ADAM28: variants seen among roughly 807,000 people sequenced by gnomAD.
The protein encoded by ADAM28 is disintegrin and metalloproteinase domain-containing protein 28.
ADAM28 carries 105 observed loss-of-function variants against 101.2 expected under a neutral mutation model. That is an observed-to-expected ratio of 1.04 (90% confidence interval 0.89 to 1.22). The LOEUF is 1.22. ADAM28 is among the 50% of genes most tolerant of loss of function. The pLI, the probability that ADAM28 is intolerant of heterozygous loss-of-function variation, is 0.00. For synonymous variants in ADAM28, 322 were observed against 310.6 expected (o/e 1.04, Z -0.39); for missense variants, 1,028 against 945.4 (o/e 1.09, Z -1.15).
In ADAM28 at chr8:24,311,288, A is replaced by T. The variant is rs1810420113; in HGVS notation, c.307-73A>T. On this transcript the variant is annotated intron_variant, in intron 4 of 22. Transcript: ENST00000265769. ...AAAGCATTTAAAATCCTGTTTCAAG[A>T]TTTCAGATGCGGCTTTAGCAGCGGT... 2.6e-6 allele frequency: 3 copies of T among 1,173,442 alleles called. No homozygotes were observed. The Admixed American group carries it at 6.2e-5, about 24-fold the overall frequency. The allele number at this position is 1,173,442 out of a possible 1,614,324, so 72.7% of individuals were successfully genotyped here.
chr8:24,336,002 C>T (rs1813988478), intron 14 of ADAM28: 1 of 1,024,000 alleles, frequency 9.8e-7, no homozygotes, highest in Non-Finnish European at 1.2e-6. Context: ...GGCAACCCTA[C>T]TAAGATCATA....
At chr8:24,351,574 C>T in intron 20 of ADAM28, 1 of 534,974 alleles carries the variant, frequency 1.9e-6, no homozygotes. Context: ...TTTGTCTCTG[C>T]TTCATTCTCT....
Position 24,349,878 on chromosome 8 carries a change from G to T in ADAM28, c.2005G>T (p.Val669Phe), listed in dbSNP as rs756999944. The change falls in exon 19 of 23, where the codon GTT becomes TTT. Residue 669 changes from valine (V) to phenylalanine (F), a missense_variant. Transcript: ENST00000265769. ...SSVVFHFSIV[V>F]GVLFPMAVIF... ...CTCTGCTGCAGACTTCTCCATTGTG[G>T]TTGGGGTGCTGTTCCCAATGGCGGT... 4 of 1,613,676 alleles carry T rather than the reference G, an allele frequency of 2.5e-6. No individual in the cohort carries two copies. Among genetic ancestry groups the T allele is most frequent in the East Asian group, 4.5e-5 (2 of 44,822 alleles).
intron 22 of ADAM28, 50 bp downstream of exon 22, chr8:24,353,882 C>T: frequency 7.7e-7 from 1 of 1,304,822 alleles, no homozygotes; most frequent in Non-Finnish European, 1.1e-6. Flanking sequence ...TAATCTCCTA[C>T]TGTCAAGAGA....
rs748715569 is a variant in ADAM28 at position 24,351,973 on chromosome 8, GTTCTTC to G, written c.2179-11_2179-6del. 7.4e-6 allele frequency: 12 copies of G among 1,612,634 alleles called. No homozygotes were observed. The East Asian group carries it at 2.7e-4, about 36-fold the overall frequency. On this transcript the variant is annotated splice_polypyrimidine_tract_variant and splice_region_variant and intron_variant, in intron 20 of 22. Coordinates refer to ENST00000265769, the MANE Select transcript of ADAM28 (RefSeq NM_014265.6). ...ACTAATGGTTCATTTTGAAATATTC[GTTCTTC>G]TTTTCAGATGAGTCAGATGAAGCCC...
rs530689249 is a variant in ADAM28, at chr8:24,308,869, C to G, written c.151-1025C>G. On this transcript the variant is annotated intron_variant, in intron 2 of 22. Coordinates refer to ENST00000265769, the MANE Select transcript of ADAM28 (RefSeq NM_014265.6). ...CCTTGTCTGTCTGTGAGCTCAGATA[C>G]CATACCGGCCAGAAGGGGAGGGAGA... is the stretch of plus-strand genomic sequence containing the variant. 1.3e-4 allele frequency: 46 copies of G among 353,708 alleles called. 1 individual carries two copies. Among genetic ancestry groups the G allele is most frequent in the South Asian group, 9.7e-4 (45 of 46,172 alleles). The allele number at this position is 353,708 out of a possible 1,614,324, so 21.9% of individuals were successfully genotyped here.
chr8:24,310,626 A>G (rs1810327711), intron 4 of ADAM28, among the ~76,000 whole-genome samples: 1 of 152,158 alleles, frequency 6.6e-6, no homozygotes, highest in Admixed American at 6.6e-5. Flanking sequence ...CTTTTCTTAA[A>G]CAATTTCTCT....
intron 10 of ADAM28, among the ~76,000 whole-genome samples, chr8:24,327,624 T>C (rs1201871148): frequency 6.6e-6 from 1 of 152,160 alleles, no homozygotes; most frequent in East Asian, 1.9e-4. Context: ...TCACACTGCC[T>C]GACTTCAAAC....
At position 24,343,532 on chromosome 8, in the gene ADAM28, A is replaced by G. The variant is rs761904884; in HGVS notation, c.1938A>G (p.Gln646=). 1.9e-6 allele frequency: 3 copies of G among 1,613,816 alleles called. No homozygotes were observed. The highest frequency in any genetic ancestry group is 1.7e-6 in the Non-Finnish European group (2 of 1,179,814). ...HAVCDHELQC[Q]CEEGWIPPDC... ...TGTGTGACCATGAGCTCCAGTGTCA[A>G]TGTGAGGAAGGATGGATCCCTCCCG... Residue 646 remains glutamine (Q), a synonymous_variant, in exon 18 of 23, where the codon CAA becomes CAG. Coordinates refer to ENST00000265769, the MANE Select transcript of ADAM28 (RefSeq NM_014265.6).
At chr8:24,343,055 T>A (rs1431949704) in intron 16 of ADAM28, 46 bp from the exon 17 acceptor site, 1 of 1,612,496 alleles carries the variant, frequency 6.2e-7, no homozygotes, top group Admixed American at 1.7e-5. Context: ...CTTTCTCATC[T>A]ACGTTCAGAG....
chr8:24,296,877 G>A (rs547004534), intron 1 of ADAM28, among the ~76,000 whole-genome samples: 1 of 152,278 alleles, frequency 6.6e-6, no homozygotes, highest in South Asian at 2.1e-4. Context: ...TTATTCAGTG[G>A]GGAAGACGCT....
rs142374434 is a variant in ADAM28 at position 24,334,752 on chromosome 8, AAAAC to A, written c.1372-680_1372-677del. On this transcript the variant is annotated intron_variant, in intron 13 of 22. Coordinates refer to ENST00000265769, the MANE Select transcript of ADAM28 (RefSeq NM_014265.6). ...AACATACCTGCTCCTGTTAGGAAGG[AAAAC>A]AAACAAACAAACATACTTTCTCAGT... 7.4e-3 allele frequency among the ~76,000 whole-genome samples: 1,124 copies of A among 152,342 alleles called. 7 individuals carry two copies. The highest frequency in any genetic ancestry group is 0.012 in the Non-Finnish European group (784 of 68,036).
intron 15 of ADAM28, among the ~76,000 whole-genome samples, chr8:24,340,382 C>T (rs1009691776): frequency 1.1e-4 from 17 of 152,172 alleles, no homozygotes; most frequent in African/African-American, 2.9e-4. Flanking sequence ...CAATCATTTT[C>T]GGTGGTCTTG....
intron 17 of ADAM28, 80 bp from the exon 18 acceptor site, chr8:24,343,426 T>G: frequency 7.0e-7 from 1 of 1,422,838 alleles, no homozygotes; most frequent in Non-Finnish European, 9.9e-7. Context: ...TTTTTCTGCA[T>G]GAACTTTATT....
At chr8:24,331,383 T>A (rs1333222931) in intron 12 of ADAM28, 56 bp downstream of exon 12, 19 of 1,504,560 alleles carry the variant, frequency 1.3e-5, no homozygotes, top group Non-Finnish European at 1.7e-5. Flanking sequence ...GCTAAGAAGA[T>A]CAACTACAAA....
At chr8:24,305,654 GA>G (rs1345452127) in intron 2 of ADAM28, among the ~76,000 whole-genome samples, 2 of 151,752 alleles carry the variant, frequency 1.3e-5, no homozygotes, top group African/African-American at 4.8e-5. Flanking sequence ...GATAATTGAA[GA>G]AAAAATTACC....
At chr8:24,320,347 C>A in intron 7 of ADAM28, 40 bp downstream of exon 7, 1 of 1,278,538 alleles carries the variant, frequency 7.8e-7, no homozygotes, top group Non-Finnish European at 1.1e-6. Flanking sequence ...CCAAAACTCC[C>A]ACCCACATAT....
In ADAM28 at chr8:24,298,667, C is replaced by T. The variant is rs114267293; in HGVS notation, c.47-1307C>T. Among the ~76,000 whole-genome samples, 1,013 of 152,170 alleles carry T rather than the reference C, an allele frequency of 6.7e-3. 7 individuals carry two copies. Among genetic ancestry groups the T allele is most frequent in the African/African-American group, 0.024 (982 of 41,512 alleles). The stretch of plus-strand genomic sequence containing the variant: ...ATTACCTTTAGAGACCCTCCTAGTC[C>T]TTACTCAGAGAAGAGAAAAAAACCT... On this transcript the variant is annotated intron_variant, in intron 1 of 22. Coordinates refer to ENST00000265769, the MANE Select transcript of ADAM28 (RefSeq NM_014265.6).
At chr8:24,300,671 C>T (rs1276824537) in intron 2 of ADAM28, among the ~76,000 whole-genome samples, 1 of 152,158 alleles carries the variant, frequency 6.6e-6, no homozygotes, top group Admixed American at 6.5e-5. Flanking sequence ...CCGCCTCGGC[C>T]TCCCAAAGTG....
Sources: gnomAD v4.1 joint callset for allele counts (sites outside exome capture counted in the v4.1 genomes callset) on GRCh38, gnomAD v4.1.1 for gene constraint, MANE v1.5 for transcripts, NCBI Gene and HGNC (gene_info 2026-07-23, HGNC 2026-07-21) for gene names.